Variants in FUT8 observed in about 807,000 individuals in gnomAD.
FUT8 encodes the protein fucosyltransferase 8, also known as alpha-(1,6)-fucosyltransferase.
A neutral mutation model predicts 71.3 loss-of-function variants in FUT8; 29 were observed. The observed-to-expected ratio is 0.41, with a 90% confidence interval of 0.30 to 0.55. FUT8 has a LOEUF of 0.55. FUT8 is among the 20% of genes least tolerant of loss of function. The pLI is 0.34. For missense variants in FUT8, 544 were observed against 702.1 expected, an observed-to-expected ratio of 0.77 and a Z score of 2.55; for synonymous variants, 254 against 239.3, an observed-to-expected ratio of 1.06 and a Z score of -0.57.
chr14:65,648,263 G>A (rs1416774281), intron 6 of FUT8, among the ~76,000 whole-genome samples: 1 of 152,208 alleles, frequency 6.6e-6, no homozygotes, highest in African/African-American at 2.4e-5. Context: ...CCTAGACAGT[G>A]ATGAAAATAA....
rs527317144 is a variant in FUT8, at chr14:65,455,088, A to T, written c.-325-533A>T. 3.1e-3 allele frequency among the ~76,000 whole-genome samples: 469 copies of T among 152,284 alleles called. 3 individuals carry two copies. The highest frequency in any genetic ancestry group is 0.011 in the African/African-American group (456 of 41,562). ...AAGGAGAAAAAAATCCCTGTTTTTT[A>T]AAAAAAGGAATGTTGTATTGCAGGG... On this transcript the variant is annotated intron_variant, in intron 1 of 10. Transcript: ENST00000673929.
chr14:65,628,935 C>T (rs950078031), intron 5 of FUT8, among the ~76,000 whole-genome samples: 1 of 152,192 alleles, frequency 6.6e-6, no homozygotes, highest in Non-Finnish European at 1.5e-5. Flanking sequence ...GCTACAAAGG[C>T]AAAGGATCTT....
At chr14:65,702,829 C>A (rs1894375993) in intron 7 of FUT8, among the ~76,000 whole-genome samples, 1 of 152,060 alleles carries the variant, frequency 6.6e-6, no homozygotes, top group Admixed American at 6.5e-5. Flanking sequence ...ACCTCCACCT[C>A]CCAGGTTCAA....
At chr14:65,557,113 A>G (rs977086428) in intron 2 of FUT8, among the ~76,000 whole-genome samples, 3 of 152,192 alleles carry the variant, frequency 2.0e-5, no homozygotes, top group Non-Finnish European at 4.4e-5. Flanking sequence ...TGGCAACTCT[A>G]TTAAGTCTCC....
At chr14:65,369,419 G>C in the FUT8 span, among the ~76,000 whole-genome samples, 1 of 152,242 alleles carries the variant, frequency 6.6e-6, no homozygotes, top group South Asian at 2.1e-4. This position sits in a 1 kb window ranked among gnomAD's most constrained non-coding sequence, Gnocchi z 4.6. Context: ...TCTTGTATAG[G>C]GGCTGGGTAA....
chr14:65,426,408 A>G (rs1459483407), intron 1 of FUT8, among the ~76,000 whole-genome samples: 1 of 151,834 alleles, frequency 6.6e-6, no homozygotes, highest in Admixed American at 6.6e-5. Context: ...TTTATTCAAT[A>G]CAAGTTTTAT....
chr14:65,621,396 C>T (rs1304750310), intron 5 of FUT8, among the ~76,000 whole-genome samples: 1 of 151,818 alleles, frequency 6.6e-6, no homozygotes, highest in Non-Finnish European at 1.5e-5. Context: ...ACTACAGGCA[C>T]ACGCCACCAT....
chr14:65,504,099 T>C (rs2066688452), intron 2 of FUT8, among the ~76,000 whole-genome samples: 1 of 152,246 alleles, frequency 6.6e-6, no homozygotes, highest in Non-Finnish European at 1.5e-5. Context: ...TTGAATTTCT[T>C]ACTTCTCCCA....
chr14:65,364,334 G>C, the FUT8 span, among the ~76,000 whole-genome samples: 1 of 152,012 alleles, frequency 6.6e-6, no homozygotes, highest in African/African-American at 2.4e-5. Flanking sequence ...CTCCCAAGTA[G>C]CTGGGATTAC....
chr14:65,694,545 A>G (rs1288661189), intron 7 of FUT8, among the ~76,000 whole-genome samples: 3 of 152,284 alleles, frequency 2.0e-5, no homozygotes, highest in East Asian at 1.9e-4. Context: ...ATTACTGGGT[A>G]TATACCCAAA....
chr14:65,670,693 A>G (rs1173756049), intron 7 of FUT8, among the ~76,000 whole-genome samples: 1 of 152,140 alleles, frequency 6.6e-6, no homozygotes, highest in Non-Finnish European at 1.5e-5. Context: ...CAGCAAAGTA[A>G]CTTTGGTTCC....
chr14:65,510,359 T>G (rs1411238564), intron 2 of FUT8, among the ~76,000 whole-genome samples: 1 of 152,158 alleles, frequency 6.6e-6, no homozygotes, highest in Non-Finnish European at 1.5e-5. Flanking sequence ...TTTGTATGAA[T>G]ATTCATCAGG....
the FUT8 span, among the ~76,000 whole-genome samples, chr14:65,396,660 A>G: frequency 6.6e-6 from 1 of 152,230 alleles, no homozygotes; most frequent in Non-Finnish European, 1.5e-5. The surrounding 1 kb of genome is among the most constrained non-coding windows in gnomAD (Gnocchi z 5.5). Flanking sequence ...CTATATCAGC[A>G]TCTGTGTGTA....
the FUT8 span, among the ~76,000 whole-genome samples, chr14:65,391,078 A>G: frequency 6.6e-6 from 1 of 152,044 alleles, no homozygotes; most frequent in African/African-American, 2.4e-5. Context: ...ACCTACTGAT[A>G]CCTACTGGCA....
At chr14:65,600,631 A>G (rs1797973426) in intron 3 of FUT8, among the ~76,000 whole-genome samples, 1 of 152,190 alleles carries the variant, frequency 6.6e-6, no homozygotes, top group Non-Finnish European at 1.5e-5. Context: ...GCATAAGACG[A>G]TATTTGTAGT....
intron 1 of FUT8, among the ~76,000 whole-genome samples, chr14:65,428,456 A>G (rs953455162): frequency 6.6e-6 from 1 of 152,180 alleles, no homozygotes; most frequent in Non-Finnish European, 1.5e-5. Context: ...TGCCATCACC[A>G]GACACCAAAC....
intron 2 of FUT8, among the ~76,000 whole-genome samples, chr14:65,506,840 C>T (rs1370893520): frequency 6.6e-6 from 1 of 152,172 alleles, no homozygotes; most frequent in Non-Finnish European, 1.5e-5. Flanking sequence ...ATTGCGGCAG[C>T]ACCCCTCACA....
chr14:65,400,034 T>C, the FUT8 span, among the ~76,000 whole-genome samples: 1 of 152,246 alleles, frequency 6.6e-6, no homozygotes, highest in African/African-American at 2.4e-5. Flanking sequence ...TTCCAGAATT[T>C]TTAAAAATAT....
rs181967142 is a variant in FUT8 at position 65,480,462 on chromosome 14, C to T, written c.-228+24744C>T. Among the ~76,000 whole-genome samples the T allele has an allele frequency of 2.6e-5, 4 of 151,818 alleles. No individual in the cohort carries two copies. In the East Asian group the frequency reaches 5.8e-4, roughly 22 times the overall value. ...ACCAGAGTAGCTGGAACTACAGGTA[C>T]ACTCCATCATGCCCAGCTAATTTTT... On this transcript the variant is annotated intron_variant, in intron 2 of 10. Transcript: ENST00000673929.
Sources: gnomAD v4.1 joint callset for allele counts (sites outside exome capture counted in the v4.1 genomes callset) on GRCh38, gnomAD v4.1.1 for gene constraint, Gnocchi (gnomAD v3.1) non-coding constraint, MANE v1.5 for transcripts, NCBI Gene and HGNC (gene_info 2026-07-23, HGNC 2026-07-21) for gene names.